The following PDZRN4 variants were observed in gnomAD, a reference collection of about 807,000 sequenced individuals.
PDZRN4 encodes the protein PDZ domain-containing RING finger protein 4.
PDZRN4 carries 70 observed loss-of-function variants against 99.0 expected under a neutral mutation model. The ratio of observed to expected loss-of-function variants is 0.71; its 90% CI spans 0.58 to 0.86. The LOEUF is 0.86. Among genes scored for constraint, PDZRN4 ranks in the 40% least tolerant of loss-of-function variants. PDZRN4 has a pLI of 0.00. For synonymous variants in PDZRN4, 551 were observed against 501.6 expected, an observed-to-expected ratio of 1.10 and a Z score of -1.32; for missense variants, 1,474 against 1,331.2, an observed-to-expected ratio of 1.11 and a Z score of -1.67.
At chr12:41,322,663 G>A (rs1951687932) in intron 3 of PDZRN4, among the ~76,000 whole-genome samples, 1 of 150,972 alleles carries the variant, frequency 6.6e-6, no homozygotes, top group Non-Finnish European at 1.5e-5. Context: ...GCTAATTATT[G>A]TTTTTTGTAT....
At chr12:41,396,964 A>T (rs1044841087) in intron 3 of PDZRN4, among the ~76,000 whole-genome samples, 4 of 151,932 alleles carry the variant, frequency 2.6e-5, no homozygotes, top group East Asian at 3.9e-4. Flanking sequence ...CTGTTACTTT[A>T]TGATGAACCA....
intron 3 of PDZRN4, among the ~76,000 whole-genome samples, chr12:41,297,225 A>C (rs7958277): frequency 0.076 from 11,537 of 152,186 alleles, 899 homozygotes; most frequent in African/African-American, 0.2. Context: ...ACCAAAATAT[A>C]TCATACTTTT....
intron 3 of PDZRN4, among the ~76,000 whole-genome samples, chr12:41,218,176 T>C (rs1369557153): frequency 6.6e-6 from 1 of 152,134 alleles, no homozygotes; most frequent in Non-Finnish European, 1.5e-5. Flanking sequence ...TGTGGCATAA[T>C]TCAAGTAAAA....
intron 3 of PDZRN4, among the ~76,000 whole-genome samples, chr12:41,254,176 A>G (rs1951189404): frequency 1.3e-5 from 2 of 152,110 alleles, no homozygotes; most frequent in East Asian, 3.8e-4. Flanking sequence ...TTCAAAGGAA[A>G]AAGGAAAAAA....
intron 3 of PDZRN4, among the ~76,000 whole-genome samples, chr12:41,288,902 AC>A (rs1337272731): frequency 6.6e-6 from 1 of 152,122 alleles, no homozygotes; most frequent in African/African-American, 2.4e-5. Context: ...AATGGTTTAT[AC>A]ATATGTTGAC....
chr12:41,481,067 A>G (rs540676422), intron 3 of PDZRN4, among the ~76,000 whole-genome samples: 2 of 152,030 alleles, frequency 1.3e-5, no homozygotes, highest in South Asian at 4.1e-4. Flanking sequence ...GTGTGGTGTA[A>G]GGATTTCTCC....
intron 3 of PDZRN4, among the ~76,000 whole-genome samples, chr12:41,345,455 A>G (rs1381158356): frequency 1.3e-5 from 2 of 152,178 alleles, no homozygotes; most frequent in Admixed American, 6.6e-5. Context: ...GAGGAAATTG[A>G]CAAAGGGCTG....
intron 3 of PDZRN4, among the ~76,000 whole-genome samples, chr12:41,410,297 G>A (rs1952386354): frequency 6.6e-6 from 1 of 152,100 alleles, no homozygotes; most frequent in Non-Finnish European, 1.5e-5. Context: ...TTTCCTAAAA[G>A]CTTTCATATT....
Position 41,506,516 on chromosome 12 carries a change from G to A in PDZRN4, c.904G>A (p.Ala302Thr), listed in dbSNP as rs751411423. Reference sequence around the variant, plus strand: ...AGAGGCAGTGGAAGCTTTTCGCAATGCCAAGGAGCCCATTGTGGTGCAGGT... The same window carrying A: ...AGAGGCAGTGGAAGCTTTTCGCAATACCAAGGAGCCCATTGTGGTGCAGGT... ...HEEAVEAFRN[A>T]KEPIVVQVLR... Residue 302 changes from alanine (A) to threonine (T), a missense_variant, in exon 4 of 10, where the codon GCC becomes ACC. Physicochemically the swap from Ala to Thr is moderately conservative, Grantham distance 58. Coordinates refer to ENST00000402685, the MANE Select transcript of PDZRN4 (RefSeq NM_001164595.2). The A allele has an allele frequency of 6.2e-7, 1 of 1,613,738 alleles. No homozygotes were observed. The highest frequency in any genetic ancestry group is 2.2e-5 in the East Asian group (1 of 44,832).
At chr12:41,335,207 A>G (rs1951765056) in intron 3 of PDZRN4, among the ~76,000 whole-genome samples, 1 of 151,874 alleles carries the variant, frequency 6.6e-6, no homozygotes, top group South Asian at 2.1e-4. Flanking sequence ...ACAGAACTAT[A>G]ATAATAATCA....
intron 3 of PDZRN4, among the ~76,000 whole-genome samples, chr12:41,375,925 C>T (rs1450787800): frequency 6.6e-6 from 1 of 152,156 alleles, no homozygotes; most frequent in Non-Finnish European, 1.5e-5. Flanking sequence ...CATCCCCTGG[C>T]AACATCCATT....
rs1566347011 is a variant in PDZRN4 at position 41,191,545 on chromosome 12, GT to G, written c.735+2del. 2 of 1,400,140 alleles carry G rather than the reference GT, an allele frequency of 1.4e-6. No homozygotes were observed. The highest frequency in any genetic ancestry group is 4.6e-5 in the East Asian group (2 of 43,648). 86.7% of individuals were successfully genotyped at this position (1,400,140 alleles called of 1,614,324 possible). A position where few individuals can be genotyped will look rare whatever the true frequency, so the allele number is the denominator to read the frequency against. ...TATTATAGGAGGTCGACCAAATCAG[GT>G]AAAACACCTTGTTAATGCATTACTC... On this transcript the variant is annotated splice_donor_variant, in intron 2 of 9. Transcript: ENST00000402685. LOFTEE classifies it high-confidence loss of function.
chr12:41,206,866 T>C (rs941509876), intron 3 of PDZRN4, among the ~76,000 whole-genome samples: 1 of 151,986 alleles, frequency 6.6e-6, no homozygotes, highest in Non-Finnish European at 1.5e-5. Context: ...CTTTTGACAT[T>C]ATCATGTTTG....
intron 3 of PDZRN4, among the ~76,000 whole-genome samples, chr12:41,421,798 C>T (rs1051383400): frequency 2.0e-5 from 3 of 151,982 alleles, no homozygotes; most frequent in African/African-American, 7.2e-5. Flanking sequence ...TAAATATATC[C>T]CATCTTATTA....
At chr12:41,514,830 C>T (rs1041053788) in intron 5 of PDZRN4, among the ~76,000 whole-genome samples, 3 of 151,998 alleles carry the variant, frequency 2.0e-5, no homozygotes, top group Admixed American at 1.3e-4. Flanking sequence ...ATCCTAATGC[C>T]ATTTTTGTCT....
chr12:41,495,110 A>T (rs1937970274), intron 3 of PDZRN4, among the ~76,000 whole-genome samples: 1 of 151,930 alleles, frequency 6.6e-6, no homozygotes. Context: ...AGGACCTTAG[A>T]AAGTATAAGT....
intron 3 of PDZRN4, among the ~76,000 whole-genome samples, chr12:41,481,447 A>G (rs191906083): frequency 6.6e-6 from 1 of 151,990 alleles, no homozygotes; most frequent in East Asian, 1.9e-4. Flanking sequence ...TGGCATTTAA[A>G]CCCCCACAAT....
intron 3 of PDZRN4, among the ~76,000 whole-genome samples, chr12:41,302,490 T>C (rs1228673890): frequency 6.6e-6 from 1 of 152,122 alleles, no homozygotes; most frequent in African/African-American, 2.4e-5. Context: ...TAAGATATAA[T>C]GATGTACAGG....
intron 5 of PDZRN4, among the ~76,000 whole-genome samples, chr12:41,520,721 C>G (rs1938480759): frequency 6.6e-6 from 1 of 151,174 alleles, no homozygotes; most frequent in African/African-American, 2.4e-5. Context: ...GTTGATGGAG[C>G]AAATAAATCT....
Sources: allele counts gnomAD v4.1 joint callset (sites outside exome capture counted in the v4.1 genomes callset), GRCh38; gene constraint gnomAD v4.1.1; transcripts MANE v1.5; gene names NCBI Gene and HGNC (gene_info 2026-07-23, HGNC 2026-07-21).